TMEM161B: variants seen among roughly 807,000 people sequenced by gnomAD.
The protein encoded by TMEM161B is transmembrane protein 161B.
A neutral mutation model predicts 61.8 loss-of-function variants in TMEM161B; 34 were observed. That is an observed-to-expected ratio of 0.55 (90% confidence interval 0.42 to 0.73). The LOEUF (loss-of-function observed/expected upper bound fraction) is 0.73. Ranked by LOEUF, TMEM161B falls within the 30% of genes least tolerant of loss-of-function variation. The pLI, the probability that TMEM161B is intolerant of heterozygous loss-of-function variation, is 0.00. For missense variants in TMEM161B, 456 were observed against 558.5 expected (o/e 0.82, Z 1.85); for synonymous variants, 167 against 192.8 (o/e 0.87, Z 1.11).
intron 1 of TMEM161B, among the ~76,000 whole-genome samples, chr5:88,261,112 C>T (rs920943552): frequency 6.6e-6 from 1 of 152,090 alleles, no homozygotes; most frequent in African/African-American, 2.4e-5. Flanking sequence ...ACAAGTCAAT[C>T]ACTTTCCTAT....
At position 88,196,119 on chromosome 5, in the gene TMEM161B, AT is replaced by A; in HGVS notation, c.*91del. The A allele has an allele frequency of 6.7e-7, 1 of 1,483,028 alleles. No individual in the cohort carries two copies. The highest frequency in any genetic ancestry group is 8.9e-7 in the Non-Finnish European group (1 of 1,119,654). 91.9% of individuals were successfully genotyped at this position (1,483,028 alleles called of 1,614,324 possible). On this transcript the variant is annotated 3_prime_UTR_variant, in exon 12 of 12. Transcript: ENST00000296595. ...TGATATGTTTTTTTTTTCCCATTGT[AT>A]TTGCTTTCTTCTGGTTTTCATCAGC... is the stretch of plus-strand genomic sequence containing the variant.
intron 3 of TMEM161B, among the ~76,000 whole-genome samples, chr5:88,227,747 G>T (rs1054343305): frequency 9.6e-4 from 146 of 152,170 alleles, no homozygotes; most frequent in Middle Eastern, 3.4e-3. Flanking sequence ...AGAGTCACAG[G>T]GGACCTAAGA....
chr5:88,190,323 G>C (rs973470721), downstream of TMEM161B: 1 of 696,112 alleles, frequency 1.4e-6, no homozygotes, highest in African/African-American at 1.8e-5. Context: ...GCGAGATGTA[G>C]AAATACTGGC....
chr5:88,203,795 AT>A (rs1744909639), intron 8 of TMEM161B, among the ~76,000 whole-genome samples: 55 of 34,366 alleles, frequency 1.6e-3, no homozygotes, highest in African/African-American at 2.8e-3. Flanking sequence ...ATATATATAT[AT>A]ATATATATAT....
At chr5:88,250,965 T>C (rs1754267434) in intron 1 of TMEM161B, 1 of 152,190 alleles carries the variant, frequency 6.6e-6, no homozygotes, top group South Asian at 2.1e-4. Flanking sequence ...GTTTAATTAA[T>C]GCAAGGCCAA....
In TMEM161B at chr5:88,195,693, T is replaced by C. The variant is rs1749512798; in HGVS notation, c.*518A>G. ...CTATGCAGCTTTCTTTACTGTAATA[T>C]ACAGTAGCTATCTCTTCCTTTCTGT... On this transcript the variant is annotated 3_prime_UTR_variant, in exon 12 of 12. Coordinates refer to ENST00000296595, the MANE Select transcript of TMEM161B (RefSeq NM_153354.5). 1 of 985,924 alleles carries C rather than the reference T, an allele frequency of 1.0e-6. No individual in the cohort carries two copies. Among genetic ancestry groups the C allele is most frequent in the Admixed American group, 6.1e-5 (1 of 16,266 alleles). 61.1% of individuals were successfully genotyped at this position (985,924 alleles called of 1,614,324 possible).
At chr5:88,189,304 C>G (rs997563137), downstream of TMEM161B, among the ~76,000 whole-genome samples, 1 of 152,114 alleles carries the variant, frequency 6.6e-6, no homozygotes, top group Non-Finnish European at 1.5e-5. Flanking sequence ...ATGAGTTCCA[C>G]AGTGAACTTC....
chr5:88,234,587 T>G (rs1482577216), intron 2 of TMEM161B, among the ~76,000 whole-genome samples: 4 of 152,228 alleles, frequency 2.6e-5, no homozygotes, highest in Admixed American at 2.6e-4. Context: ...TTAAGTGGTA[T>G]GTCTATCTCA....
chr5:88,220,727 GAAAAAA>G lies in TMEM161B; in HGVS notation c.290-14_290-9del. ...CTGGAAAGTAATGCAATGCTGGAAAGAAAAAAAAAAAAAAAAAAAAAAAAGGTCAAA... is the reference window on the plus strand; with the variant it reads ...CTGGAAAGTAATGCAATGCTGGAAAGAAAAAAAAAAAAAAAAAAGGTCAAA... On this transcript the variant is annotated splice_polypyrimidine_tract_variant and intron_variant, in intron 4 of 11. Coordinates refer to ENST00000296595, the MANE Select transcript of TMEM161B (RefSeq NM_153354.5). 144 of 580,544 alleles carry G rather than the reference GAAAAAA, an allele frequency of 2.5e-4. No homozygotes were observed. The highest frequency in any genetic ancestry group is 5.8e-4 in the East Asian group (5 of 8,560). The allele number at this position is 580,544 out of a possible 1,614,324, so 36.0% of individuals were successfully genotyped here.
chr5:88,266,095 A>G (rs1756340835), intron 1 of TMEM161B, among the ~76,000 whole-genome samples: 1 of 152,264 alleles, frequency 6.6e-6, no homozygotes, highest in South Asian at 2.1e-4. Flanking sequence ...GCGTGAGTTC[A>G]GTATTTTCAG....
intron 8 of TMEM161B, among the ~76,000 whole-genome samples, chr5:88,203,814 T>TAA (rs1554049464): frequency 0.013 from 1,154 of 90,072 alleles, 266 homozygotes; most frequent in African/African-American, 0.02. Flanking sequence ...TATATATATA[T>TAA]AATTTGCATT....
intron 1 of TMEM161B, among the ~76,000 whole-genome samples, chr5:88,267,638 G>A (rs1756565841): frequency 6.6e-6 from 1 of 152,032 alleles, no homozygotes; most frequent in Admixed American, 6.6e-5. Context: ...AAACAGCAAA[G>A]GTTAAGAAAC....
chr5:88,212,226 G>A (rs1184024869), intron 5 of TMEM161B, among the ~76,000 whole-genome samples: 1 of 152,122 alleles, frequency 6.6e-6, no homozygotes, highest in East Asian at 1.9e-4. Flanking sequence ...AACAGAAAGA[G>A]TATAAAATTA....
At chr5:88,217,896 T>G (rs1356254995) in intron 5 of TMEM161B, among the ~76,000 whole-genome samples, 1 of 105,382 alleles carries the variant, frequency 9.5e-6, no homozygotes, top group Non-Finnish European at 1.9e-5. Context: ...AGTAAAAAGA[T>G]ACTAGGCAGA....
At chr5:88,200,709 T>A (rs1744227304) in intron 9 of TMEM161B, 1 of 152,116 alleles carries the variant, frequency 6.6e-6, no homozygotes, top group Non-Finnish European at 1.5e-5. Context: ...GAGCTTAAAG[T>A]ATATAGGGAA....
chr5:88,187,267 A>G (rs1561280386), downstream of TMEM161B, among the ~76,000 whole-genome samples: 1 of 152,200 alleles, frequency 6.6e-6, no homozygotes, highest in Non-Finnish European at 1.5e-5. Context: ...AAATCTTCAA[A>G]TCCTCTAACT....
At chr5:88,189,308 G>C (rs1272551687), downstream of TMEM161B, among the ~76,000 whole-genome samples, 1 of 152,050 alleles carries the variant, frequency 6.6e-6, no homozygotes, top group Non-Finnish European at 1.5e-5. Context: ...GTTCCACAGT[G>C]AACTTCCTCA....
intron 8 of TMEM161B, 128 bp from the exon 9 acceptor site, chr5:88,203,203 T>C: frequency 1.7e-6 from 1 of 575,076 alleles, no homozygotes; most frequent in Non-Finnish European, 3.1e-6. Context: ...ACGATACTAC[T>C]GTCACCATCA....
chr5:88,196,015 C>A lies in TMEM161B; in HGVS notation c.*196G>T. 7.3e-7 allele frequency: 1 copy of A among 1,365,934 alleles called. No homozygotes were observed. The allele number at this position is 1,365,934 out of a possible 1,614,324, so 84.6% of individuals were successfully genotyped here. ...TCCAATGCCACAGTGTAACAGTTAA[C>A]AATCTATTTTGTAATTTTAAATATT... On this transcript the variant is annotated 3_prime_UTR_variant, in exon 12 of 12. Transcript: ENST00000296595.
Sources: allele counts gnomAD v4.1 joint callset (sites outside exome capture counted in the v4.1 genomes callset), GRCh38; gene constraint gnomAD v4.1.1; transcripts MANE v1.5; gene names NCBI Gene and HGNC (gene_info 2026-07-23, HGNC 2026-07-21).